UVRAG: variants seen among roughly 807,000 people sequenced by gnomAD.
The protein encoded by UVRAG is UV radiation resistance associated.
In UVRAG, 19 loss-of-function variants were observed where a neutral mutation model predicts 78.0. The ratio of observed to expected loss-of-function variants is 0.24; its 90% CI spans 0.17 to 0.36. UVRAG has a LOEUF of 0.36. Among genes scored for constraint, UVRAG ranks in the 10% least tolerant of loss-of-function variants. The pLI, the probability that UVRAG is intolerant of heterozygous loss-of-function variation, is 1.00. For missense variants in UVRAG, 740 were observed against 853.8 expected, an observed-to-expected ratio of 0.87 and a Z score of 1.66; for synonymous variants, 323 against 324.6, an observed-to-expected ratio of 1.00 and a Z score of 0.05.
Position 75,938,686 on chromosome 11 carries a change from A to G in UVRAG, c.594-22758A>G, listed in dbSNP as rs141014820. ...ATAGGCCCTGTTCCTGGTCCTGTGAAATCTCTGCTTTTTGTTTCCTCTGTC... is the reference window on the plus strand; with the variant it reads ...ATAGGCCCTGTTCCTGGTCCTGTGAGATCTCTGCTTTTTGTTTCCTCTGTC... On this transcript the variant is annotated intron_variant, in intron 6 of 14. Coordinates refer to ENST00000356136, the MANE Select transcript of UVRAG (RefSeq NM_003369.4). Among the ~76,000 whole-genome samples, 22 of 152,212 alleles carry G rather than the reference A, an allele frequency of 1.4e-4. No homozygotes were observed. In the East Asian group the frequency reaches 4.3e-3, roughly 29 times the overall value.
intron 10 of UVRAG, among the ~76,000 whole-genome samples, chr11:76,008,057 G>A (rs928061060): frequency 2.0e-5 from 3 of 151,840 alleles, no homozygotes; most frequent in East Asian, 1.9e-4. Context: ...GCAGGCGCCC[G>A]CCACCACGAT....
intron 3 of UVRAG, among the ~76,000 whole-genome samples, chr11:75,871,439 C>T (rs1946649059): frequency 6.6e-6 from 1 of 151,932 alleles, no homozygotes; most frequent in Admixed American, 6.6e-5. Flanking sequence ...ACCACCATAC[C>T]AGGCTAATTT....
chr11:76,119,800 GC>G (rs1370793132), intron 14 of UVRAG, among the ~76,000 whole-genome samples: 2 of 152,176 alleles, frequency 1.3e-5, no homozygotes, highest in Admixed American at 6.5e-5. Context: ...GTCTTGTCCT[GC>G]CTCTGTCCAC....
At chr11:76,069,867 A>T (rs1486454124) in intron 13 of UVRAG, among the ~76,000 whole-genome samples, 2 of 152,172 alleles carry the variant, frequency 1.3e-5, no homozygotes, top group East Asian at 3.8e-4. Context: ...AAAGAAGACG[A>T]CATTCCCAGA....
chr11:76,074,772 C>T (rs1951375403), intron 13 of UVRAG, among the ~76,000 whole-genome samples: 1 of 152,148 alleles, frequency 6.6e-6, no homozygotes, highest in Admixed American at 6.5e-5. Context: ...GTGAGTTAGA[C>T]AGGGCATAGA....
chr11:75,867,638 A>G (rs1351540617), intron 3 of UVRAG, among the ~76,000 whole-genome samples: 3 of 152,210 alleles, frequency 2.0e-5, no homozygotes, highest in African/African-American at 4.8e-5. Flanking sequence ...TCTGTTGAGT[A>G]TACATCTAGG....
chr11:75,833,538 G>A (rs1237047673), intron 1 of UVRAG, among the ~76,000 whole-genome samples: 2 of 151,966 alleles, frequency 1.3e-5, no homozygotes, highest in Non-Finnish European at 2.9e-5. Flanking sequence ...AGACCAGCTC[G>A]GTCAGGGAGA....
At chr11:75,945,096 A>G (rs1359964404) in intron 6 of UVRAG, among the ~76,000 whole-genome samples, 4 of 152,158 alleles carry the variant, frequency 2.6e-5, no homozygotes, top group Non-Finnish European at 2.9e-5. Flanking sequence ...CTTGATATAC[A>G]TCTAAAAAAA....
intron 6 of UVRAG, among the ~76,000 whole-genome samples, chr11:75,938,218 A>C (rs1274304164): frequency 6.6e-6 from 1 of 152,130 alleles, no homozygotes; most frequent in East Asian, 1.9e-4. Flanking sequence ...GTTTTTCAAA[A>C]ATTTTCAATG....
intron 12 of UVRAG, among the ~76,000 whole-genome samples, chr11:76,064,944 T>C (rs79074081): frequency 0.063 from 9,540 of 152,274 alleles, 536 homozygotes; most frequent in African/African-American, 0.15. Flanking sequence ...GCTAAAACTT[T>C]TGCTTGATCT....
intron 7 of UVRAG, among the ~76,000 whole-genome samples, chr11:75,963,009 A>G (rs1438894027): frequency 2.6e-5 from 4 of 152,176 alleles, no homozygotes; most frequent in East Asian, 1.9e-4. Context: ...CACAGAAGAA[A>G]AATCATTGGA....
At chr11:75,920,274 C>T (rs1947952475) in intron 6 of UVRAG, among the ~76,000 whole-genome samples, 1 of 151,682 alleles carries the variant, frequency 6.6e-6, no homozygotes, top group Non-Finnish European at 1.5e-5. Context: ...ATCCACCTGC[C>T]CCGGCCTCCC....
intron 13 of UVRAG, among the ~76,000 whole-genome samples, chr11:76,076,832 A>G (rs188466513): frequency 3.3e-5 from 5 of 150,558 alleles, no homozygotes; most frequent in African/African-American, 1.2e-4. Context: ...TTATTTATTT[A>G]TTAGAGGCAG....
chr11:75,914,791 G>T (rs1947815692), intron 6 of UVRAG, among the ~76,000 whole-genome samples: 1 of 151,998 alleles, frequency 6.6e-6, no homozygotes. Context: ...ACTGTGCCTG[G>T]CCCCGATTCT....
chr11:76,066,426 A>C (rs2134383739), intron 13 of UVRAG, among the ~76,000 whole-genome samples: 1 of 152,136 alleles, frequency 6.6e-6, no homozygotes, highest in South Asian at 2.1e-4. Flanking sequence ...GGCATTCCAC[A>C]AGTTTTCTAA....
chr11:76,130,235 A>G (rs772544008), intron 14 of UVRAG, among the ~76,000 whole-genome samples: 5 of 152,150 alleles, frequency 3.3e-5, no homozygotes, highest in Non-Finnish European at 7.3e-5. Flanking sequence ...GATCTCTGCT[A>G]CAAGCTCTTT....
At chr11:76,138,591 C>T (rs1565176576) in intron 14 of UVRAG, among the ~76,000 whole-genome samples, 1 of 152,222 alleles carries the variant, frequency 6.6e-6, no homozygotes, top group Non-Finnish European at 1.5e-5. Flanking sequence ...TTTCTCATGC[C>T]CTGCCTTTTA....
At chr11:75,959,635 T>A (rs977346910) in intron 6 of UVRAG, among the ~76,000 whole-genome samples, 1 of 152,242 alleles carries the variant, frequency 6.6e-6, no homozygotes, top group African/African-American at 2.4e-5. Flanking sequence ...TACTTTCTTA[T>A]CATTCGTGTG....
At chr11:76,065,887 C>T in intron 13 of UVRAG, 99 bp downstream of exon 13, 1 of 1,064,498 alleles carries the variant, frequency 9.4e-7, no homozygotes, top group Non-Finnish European at 1.4e-6. Flanking sequence ...TGCAGTTGAC[C>T]CTCGCATTTA....
Sources: gnomAD v4.1 joint callset for allele counts (sites outside exome capture counted in the v4.1 genomes callset) on GRCh38, gnomAD v4.1.1 for gene constraint, MANE v1.5 for transcripts, NCBI Gene and HGNC (gene_info 2026-07-23, HGNC 2026-07-21) for gene names.